PARG: variants seen among roughly 807,000 people sequenced by gnomAD.
PARG encodes the protein poly(ADP-ribose) glycohydrolase, also known as mitochondrial poly(ADP-ribose) glycohydrolase.
A neutral mutation model predicts 113.0 loss-of-function variants in PARG; 35 were observed. That is an observed-to-expected ratio of 0.31 (90% CI 0.24 to 0.41). The LOEUF (loss-of-function observed/expected upper bound fraction) is 0.41, where lower values mean the gene tolerates loss of function less well. Ranked by LOEUF, PARG falls within the 10% of genes least tolerant of loss-of-function variation. The pLI is 1.00. For synonymous variants in PARG, 330 were observed against 409.9 expected (o/e 0.81, Z 2.36); for missense variants, 797 against 1,169.4 (o/e 0.68, Z 4.64).
intron 7 of PARG, among the ~76,000 whole-genome samples, chr10:49,902,114 T>C (rs142250856): frequency 4.3e-3 from 652 of 152,224 alleles, no homozygotes; most frequent in East Asian, 0.016. Context: ...TACCCTACTC[T>C]AATGAAACAG....
intron 9 of PARG, 144 bp from the exon 10 acceptor site, chr10:49,869,699 G>C: frequency 1.8e-6 from 1 of 556,068 alleles, no homozygotes; most frequent in Non-Finnish European, 3.3e-6. Context: ...CTGGAAAATT[G>C]GTTTAGATTC....
chr10:49,878,435 T>C (rs1188346762), intron 9 of PARG, among the ~76,000 whole-genome samples: 1 of 149,676 alleles, frequency 6.7e-6, no homozygotes, highest in African/African-American at 2.5e-5. Flanking sequence ...CTGGCCAACA[T>C]GGTGAAACCC....
At chr10:49,907,517 C>T (rs11511235) in intron 7 of PARG, among the ~76,000 whole-genome samples, 14,303 of 151,986 alleles carry the variant, frequency 0.094, 1,098 homozygotes, top group East Asian at 0.32. Flanking sequence ...CACACTGAAA[C>T]AATATATAAA....
intron 7 of PARG, chr10:49,908,518 A>T (rs1836986113): frequency 6.6e-6 from 1 of 152,160 alleles, no homozygotes; most frequent in African/African-American, 2.4e-5. Context: ...ATTTCCACTG[A>T]ACTCCAAATC....
intron 13 of PARG, among the ~76,000 whole-genome samples, chr10:49,846,914 A>G (rs1412996703): frequency 1.1e-4 from 16 of 151,898 alleles, no homozygotes; most frequent in Non-Finnish European, 1.9e-4. Context: ...TGCTAAAAAG[A>G]TGGAGATGCT....
At chr10:49,834,784 G>A (rs1844834828) in intron 15 of PARG, among the ~76,000 whole-genome samples, 3 of 152,080 alleles carry the variant, frequency 2.0e-5, no homozygotes, top group Admixed American at 2.0e-4. Flanking sequence ...AGGCTGCAGT[G>A]AGCCATGATG....
At chr10:49,901,541 T>G (rs1429469285) in intron 7 of PARG, among the ~76,000 whole-genome samples, 3 of 152,288 alleles carry the variant, frequency 2.0e-5, no homozygotes, top group African/African-American at 7.2e-5. Flanking sequence ...TTTAATTAAA[T>G]TATCCAGTAT....
intron 1 of PARG, among the ~76,000 whole-genome samples, chr10:49,938,849 A>T (rs1838879356): frequency 6.6e-6 from 1 of 152,302 alleles, no homozygotes; most frequent in South Asian, 2.1e-4. Flanking sequence ...ATAATTATAT[A>T]TAAAAATTTA....
intron 1 of PARG, among the ~76,000 whole-genome samples, chr10:49,939,649 T>C (rs1440592399): frequency 1.3e-5 from 2 of 152,128 alleles, no homozygotes; most frequent in Admixed American, 6.5e-5. Context: ...GGAATTTGAG[T>C]TTCTTCATAA....
rs1839097129 is a variant in PARG at position 49,941,772 on chromosome 10, C to A, written c.-47G>T. On this transcript the variant is annotated 5_prime_UTR_variant, in exon 1 of 18. Transcript: ENST00000616448. ...TCCCCGGGCCGGCCCGGGCGGAGAGCCTCATTCACTAACCCTGAGAGAGAT... is the reference window on the plus strand; with the variant it reads ...TCCCCGGGCCGGCCCGGGCGGAGAGACTCATTCACTAACCCTGAGAGAGAT... 1 of 1,542,006 alleles carries A rather than the reference C, an allele frequency of 6.5e-7. No individual in the cohort carries two copies. Among genetic ancestry groups the A allele is most frequent in the Non-Finnish European group, 8.7e-7 (1 of 1,147,914 alleles).
At chr10:49,881,906 AT>A (rs1847235597) in intron 8 of PARG, among the ~76,000 whole-genome samples, 1 of 152,212 alleles carries the variant, frequency 6.6e-6, no homozygotes, top group Non-Finnish European at 1.5e-5. Context: ...CATCCCGTGC[AT>A]TTGTTCACAA....
chr10:49,919,131 A>G (rs1468629952), intron 6 of PARG, among the ~76,000 whole-genome samples: 38 of 151,980 alleles, frequency 2.5e-4, no homozygotes, highest in Non-Finnish European at 2.9e-5. Flanking sequence ...AGTAGAGATG[A>G]GGTTTCACCA....
chr10:49,876,770 C>T (rs1846958623), intron 9 of PARG, among the ~76,000 whole-genome samples: 1 of 150,702 alleles, frequency 6.6e-6, no homozygotes, highest in Non-Finnish European at 1.5e-5. Flanking sequence ...AACCTTATGG[C>T]ACTTAATACA....
intron 7 of PARG, among the ~76,000 whole-genome samples, chr10:49,893,682 T>G (rs1847923699): frequency 6.6e-6 from 1 of 151,420 alleles, no homozygotes; most frequent in African/African-American, 2.4e-5. Flanking sequence ...GCCTGGCTAA[T>G]TTTTGACTTT....
rs1393647312 is a variant in PARG at position 49,941,498 on chromosome 10, T to C, written c.217+11A>G. 65 of 1,540,018 alleles carry C rather than the reference T, an allele frequency of 4.2e-5. No individual in the cohort carries two copies. The Admixed American group carries it at 4.5e-4, about 11-fold the overall frequency. Reference sequence around the variant, plus strand: ...GAGGCGAAGGACAAAGATTTTTATTTTCCCACGTACCAAGCGAGGTGGCGC... The same window carrying C: ...GAGGCGAAGGACAAAGATTTTTATTCTCCCACGTACCAAGCGAGGTGGCGC... On this transcript the variant is annotated intron_variant, in intron 1 of 17. Coordinates refer to ENST00000616448, the MANE Select transcript of PARG (RefSeq NM_003631.5).
At chr10:49,940,860 C>A (rs1839012217) in intron 1 of PARG, among the ~76,000 whole-genome samples, 1 of 152,194 alleles carries the variant, frequency 6.6e-6, no homozygotes, top group Admixed American at 6.5e-5. Flanking sequence ...CTTACTTCCT[C>A]TTCATCTAAC....
chr10:49,869,364 T>C (rs1265691219), intron 10 of PARG, 112 bp downstream of exon 10: 1 of 670,690 alleles, frequency 1.5e-6, no homozygotes, highest in Admixed American at 2.3e-5. Flanking sequence ...AGTGTTTCAA[T>C]GTGGTTGGGA....
chr10:49,941,742 C>A lies in PARG; in HGVS notation c.-17G>T. 6.4e-7 allele frequency: 1 copy of A among 1,559,220 alleles called. No homozygotes were observed. The highest frequency in any genetic ancestry group is 8.7e-7 in the Non-Finnish European group (1 of 1,155,570). ...CGCATTCATGCTGGGACCAGCAGCG[C>A]ACTGTCCCCGGGCCGGCCCGGGCGG... On this transcript the variant is annotated 5_prime_UTR_variant, in exon 1 of 18. Coordinates refer to ENST00000616448, the MANE Select transcript of PARG (RefSeq NM_003631.5).
Position 49,933,867 on chromosome 10 carries a change from T to A in PARG, c.581A>T (p.Asp194Val). 13 of 1,597,026 alleles carry A rather than the reference T, an allele frequency of 8.1e-6. No homozygotes were observed. The highest frequency in any genetic ancestry group is 8.6e-6 in the Non-Finnish European group (10 of 1,164,360). The part of the protein sequence containing the change: ...NANIDRSPQN[D>V]DHSDTDSEEN... ...TTCACTATCTGTGTCACTGTGATCA[T>A]CATTTTGAGGTGACCGATCAATGTT... Residue 194 changes from aspartate to valine, a missense_variant, in exon 3 of 18, where the codon GAT (aspartate) becomes GTT (valine). Asp to Val is a radical substitution (Grantham distance 152, BLOSUM62 -3). This residue lies in a region of PARG where 284 missense variants were observed against 306.1 expected (regional missense o/e 0.93). Coordinates refer to ENST00000616448, the MANE Select transcript of PARG (RefSeq NM_003631.5).
Sources: gnomAD v4.1 joint callset for allele counts (sites outside exome capture counted in the v4.1 genomes callset) on GRCh38, gnomAD v4.1.1 for gene constraint, gnomAD v4.1.1 regional missense constraint, MANE v1.5 for transcripts, NCBI Gene and HGNC (gene_info 2026-07-23, HGNC 2026-07-21) for gene names.